ZNF385D: variants seen among roughly 807,000 people sequenced by gnomAD.
ZNF385D encodes zinc finger protein 659.
In ZNF385D, 15 loss-of-function variants were observed where a neutral mutation model predicts 35.8. The ratio of observed to expected loss-of-function variants is 0.42; its 90% CI spans 0.28 to 0.64. ZNF385D has a LOEUF of 0.64. Ranked by LOEUF, ZNF385D falls within the 30% of genes least tolerant of loss-of-function variation. The pLI, the probability that ZNF385D is intolerant of heterozygous loss-of-function variation, is 0.23. For synonymous variants in ZNF385D, 212 were observed against 186.8 expected, an observed-to-expected ratio of 1.13 and a Z score of -1.10; for missense variants, 474 against 494.6, an observed-to-expected ratio of 0.96 and a Z score of 0.39.
At chr3:22,215,620 C>T (rs1050373251) in intron 2 of ZNF385D, among the ~76,000 whole-genome samples, 1 of 152,036 alleles carries the variant, frequency 6.6e-6, no homozygotes, top group Non-Finnish European at 1.5e-5. Flanking sequence ...AATGAAAATA[C>T]TTGCCCGAAA....
chr3:21,629,777 G>A (rs1469777749), intron 2 of ZNF385D, among the ~76,000 whole-genome samples: 1 of 152,090 alleles, frequency 6.6e-6, no homozygotes, highest in Non-Finnish European at 1.5e-5. Flanking sequence ...ACTCATCTGG[G>A]TTTTTAATAT....
chr3:21,981,078 T>C (rs139726302), intron 3 of ZNF385D, among the ~76,000 whole-genome samples: 4 of 152,306 alleles, frequency 2.6e-5, no homozygotes, highest in East Asian at 3.9e-4. Context: ...TCTGGGTATA[T>C]ACATAATAAT....
chr3:22,284,172 A>G (rs1421295137), intron 2 of ZNF385D, among the ~76,000 whole-genome samples: 1 of 141,246 alleles, frequency 7.1e-6, no homozygotes, highest in Non-Finnish European at 1.6e-5. Flanking sequence ...CAATAAACAC[A>G]GGATTTTTGT....
chr3:21,482,648 A>AT (rs996305930), intron 4 of ZNF385D, among the ~76,000 whole-genome samples: 19 of 152,000 alleles, frequency 1.3e-4, no homozygotes, highest in Non-Finnish European at 2.4e-4. Flanking sequence ...TATCTGTGAA[A>AT]TTTTTTTTAG....
chr3:21,525,027 C>T (rs906391795), intron 3 of ZNF385D, among the ~76,000 whole-genome samples: 2 of 152,070 alleles, frequency 1.3e-5, no homozygotes, highest in South Asian at 4.1e-4. Context: ...TTTGAATGTG[C>T]CATTCGTTGC....
intron 3 of ZNF385D, among the ~76,000 whole-genome samples, chr3:22,014,358 T>C (rs1176729772): frequency 6.6e-6 from 1 of 152,074 alleles, no homozygotes; most frequent in East Asian, 1.9e-4. Context: ...ACATCCATGC[T>C]CCCTCACCTG....
In ZNF385D at chr3:22,207,918, G is replaced by T. The variant is rs140122145; in HGVS notation, c.107-38883C>A. Among the ~76,000 whole-genome samples, 3 of 151,972 alleles carry T rather than the reference G, an allele frequency of 2.0e-5. No individual in the cohort carries two copies. The East Asian group carries it at 5.8e-4, about 29-fold the overall frequency. Reference sequence around the variant, plus strand: ...TAGTCAAAATAGCTTTGGTCCAAAAGATAGACAATAACAAATACTAGGGAG... The same window carrying T: ...TAGTCAAAATAGCTTTGGTCCAAAATATAGACAATAACAAATACTAGGGAG... On this transcript the variant is annotated intron_variant, in intron 2 of 5. Coordinates refer to the ZNF385D transcript ENST00000494108.
chr3:21,737,084 C>T (rs1433464431), intron 1 of ZNF385D, among the ~76,000 whole-genome samples: 1 of 152,094 alleles, frequency 6.6e-6, no homozygotes, highest in Admixed American at 6.6e-5. Flanking sequence ...GGATAACAGG[C>T]GCTTGCCACC....
intron 2 of ZNF385D, among the ~76,000 whole-genome samples, chr3:22,210,250 C>T (rs745443582): frequency 3.0e-4 from 46 of 151,814 alleles, no homozygotes; most frequent in Admixed American, 8.6e-4. Flanking sequence ...ATCATTTTTA[C>T]ATTAATTAAT....
At chr3:22,299,548 C>T (rs1702783827) in intron 2 of ZNF385D, among the ~76,000 whole-genome samples, 1 of 151,634 alleles carries the variant, frequency 6.6e-6, no homozygotes, top group Non-Finnish European at 1.5e-5. Context: ...TGTTTGTGAA[C>T]AACATGATCT....
chr3:22,097,263 A>C (rs1395815394), intron 3 of ZNF385D, among the ~76,000 whole-genome samples: 2 of 152,034 alleles, frequency 1.3e-5, no homozygotes, highest in African/African-American at 4.8e-5. Flanking sequence ...GCAATAGATA[A>C]CTGAACTGGA....
intron 2 of ZNF385D, among the ~76,000 whole-genome samples, chr3:21,571,999 AATCGCAGGGCAC>A (rs1437013221): frequency 6.6e-6 from 1 of 152,176 alleles, no homozygotes; most frequent in East Asian, 1.9e-4. Flanking sequence ...TGATTGACTG[AATCGCAGGGCAC>A]ATGAACTCAA....
chr3:21,751,397 G>GCGACCACCGA, upstream of ZNF385D: 1 of 1,001,526 alleles, frequency 1.0e-6, no homozygotes, highest in South Asian at 4.3e-5. Context: ...AAGAGTGTCG[G>GCGACCACCGA]GATCCACACA....
chr3:21,778,954 G>GT (rs1322106760), intron 3 of ZNF385D, among the ~76,000 whole-genome samples: 1 of 151,932 alleles, frequency 6.6e-6, no homozygotes, highest in East Asian at 1.9e-4. Flanking sequence ...AACCTAGCCT[G>GT]TTACAGCAGT....
At chr3:21,880,001 T>C (rs1360771858) in intron 3 of ZNF385D, among the ~76,000 whole-genome samples, 1 of 151,946 alleles carries the variant, frequency 6.6e-6, no homozygotes, top group African/African-American at 2.4e-5. Flanking sequence ...CCTGGCATCA[T>C]TAAAGCTAAT....
At chr3:22,024,778 A>T (rs1576173844) in intron 3 of ZNF385D, among the ~76,000 whole-genome samples, 1 of 152,128 alleles carries the variant, frequency 6.6e-6, no homozygotes, top group African/African-American at 2.4e-5. Context: ...CAAGGAACGT[A>T]ACGAAGCTGG....
At chr3:21,960,022 C>CA (rs34894053) in intron 3 of ZNF385D, among the ~76,000 whole-genome samples, 1,424 of 114,566 alleles carry the variant, frequency 0.012, 18 homozygotes, top group African/African-American at 0.034. Flanking sequence ...GCACAGCCTC[C>CA]AAAAAAAAAA....
intron 3 of ZNF385D, among the ~76,000 whole-genome samples, chr3:21,814,097 C>T (rs577343448): frequency 6.6e-6 from 1 of 152,224 alleles, no homozygotes; most frequent in South Asian, 2.1e-4. Context: ...TCCAGCCAAA[C>T]TAAGCTTCAT....
intron 4 of ZNF385D, among the ~76,000 whole-genome samples, chr3:21,482,411 G>A (rs1225586007): frequency 6.6e-6 from 1 of 152,148 alleles, no homozygotes; most frequent in Non-Finnish European, 1.5e-5. Flanking sequence ...AAAGTGTATG[G>A]TCTGCAAAGA....
Sources: allele counts gnomAD v4.1 joint callset (sites outside exome capture counted in the v4.1 genomes callset), GRCh38; gene constraint gnomAD v4.1.1; transcripts MANE v1.5; gene names NCBI Gene and HGNC (gene_info 2026-07-23, HGNC 2026-07-21).